Variants in ATRNL1 observed in about 807,000 individuals in gnomAD.
ATRNL1 encodes the protein attractin-like protein 1.
Under a neutral mutation model 182.7 loss-of-function variants are expected in ATRNL1, and 95 were observed. That is an observed-to-expected ratio of 0.52 (90% CI 0.44 to 0.62). The LOEUF is 0.62. Ranked by LOEUF, ATRNL1 falls within the 20% of genes least tolerant of loss-of-function variation. The pLI is 0.00. For synonymous variants in ATRNL1, 576 were observed against 568.3 expected, an observed-to-expected ratio of 1.01 and a Z score of -0.19; for missense variants, 1,471 against 1,679.5, an observed-to-expected ratio of 0.88 and a Z score of 2.17.
At chr10:115,506,789 T>C (rs1850135584) in intron 24 of ATRNL1, among the ~76,000 whole-genome samples, 1 of 152,070 alleles carries the variant, frequency 6.6e-6, no homozygotes, top group Non-Finnish European at 1.5e-5. Flanking sequence ...TTGCTTATGC[T>C]GATATCAAGC....
intron 26 of ATRNL1, among the ~76,000 whole-genome samples, chr10:115,622,881 C>T (rs1441172410): frequency 1.3e-5 from 2 of 151,748 alleles, no homozygotes; most frequent in Non-Finnish European, 2.9e-5. Context: ...GAGCCGAGAT[C>T]GCGCCACTCC....
At chr10:115,174,371 T>G (rs573056339) in intron 8 of ATRNL1, among the ~76,000 whole-genome samples, 2 of 151,956 alleles carry the variant, frequency 1.3e-5, no homozygotes, top group African/African-American at 4.8e-5. Flanking sequence ...GTTTTGACTT[T>G]TGAAATTTTA....
intron 25 of ATRNL1, among the ~76,000 whole-genome samples, chr10:115,535,639 C>T (rs1467977641): frequency 1.3e-5 from 2 of 152,274 alleles, no homozygotes; most frequent in South Asian, 2.1e-4. Context: ...AGCTTTGTTC[C>T]GTTGCTGGTG....
At chr10:115,284,909 A>G (rs1317547556) in intron 14 of ATRNL1, among the ~76,000 whole-genome samples, 2 of 152,172 alleles carry the variant, frequency 1.3e-5, no homozygotes, top group Non-Finnish European at 2.9e-5. Context: ...AACAGAAATA[A>G]TTGTGGAGAG....
At chr10:115,130,539 T>A (rs2143714771) in intron 5 of ATRNL1, among the ~76,000 whole-genome samples, 1 of 152,228 alleles carries the variant, frequency 6.6e-6, no homozygotes, top group South Asian at 2.1e-4. Flanking sequence ...AAATATTAGG[T>A]ATGTCAACTG....
intron 26 of ATRNL1, among the ~76,000 whole-genome samples, chr10:115,614,931 T>G (rs1053128842): frequency 1.3e-5 from 2 of 152,190 alleles, no homozygotes; most frequent in Non-Finnish European, 2.9e-5. Flanking sequence ...GAAGTGAGTT[T>G]CTTATAGCCA....
intron 19 of ATRNL1, among the ~76,000 whole-genome samples, chr10:115,346,797 A>G (rs143907408): frequency 2.0e-5 from 3 of 152,232 alleles, no homozygotes; most frequent in East Asian, 3.9e-4. Context: ...CATGAGATAT[A>G]TGATTTGTAT....
At chr10:115,181,748 C>T (rs190590752) in intron 8 of ATRNL1, among the ~76,000 whole-genome samples, 116 of 151,640 alleles carry the variant, frequency 7.6e-4, no homozygotes, top group African/African-American at 2.6e-3. Flanking sequence ...TGTATTATTG[C>T]GGTGCCCGAA....
chr10:115,280,325 C>T (rs1852302249), intron 13 of ATRNL1, among the ~76,000 whole-genome samples: 2 of 152,102 alleles, frequency 1.3e-5, no homozygotes, highest in Admixed American at 6.6e-5. Flanking sequence ...GTTACGTTGC[C>T]TGCAAAAGCT....
chr10:115,890,923 C>T (rs782810080), intron 28 of ATRNL1, among the ~76,000 whole-genome samples: 7 of 152,106 alleles, frequency 4.6e-5, no homozygotes, highest in Non-Finnish European at 1.0e-4. Context: ...GGCGGTCAGC[C>T]TGGTTTAATC....
At chr10:115,829,030 ATTTCACAATCACCCTTTT>A (rs1413625765) in intron 27 of ATRNL1, among the ~76,000 whole-genome samples, 4 of 151,306 alleles carry the variant, frequency 2.6e-5, no homozygotes, top group African/African-American at 9.9e-5. Context: ...GATGGGCATT[ATTTCACAATCACCCTTTT>A]TTTCAGTTTT....
At position 115,143,362 on chromosome 10, in the gene ATRNL1, G is replaced by A. The variant is rs1276355509; in HGVS notation, c.829+13827G>A. Among the ~76,000 whole-genome samples, 6 of 151,276 alleles carry A rather than the reference G, an allele frequency of 4.0e-5. No individual in the cohort carries two copies. In the South Asian group the frequency reaches 6.3e-4, roughly 16 times the overall value. On this transcript the variant is annotated intron_variant, in intron 5 of 28. Transcript: ENST00000355044. ...CTGCTCTCAATATAGCTAATTCTAC[G>A]TTTGTCATTTTCAGCTGATCAGAAC...
chr10:115,554,135 T>G (rs1386487729), intron 26 of ATRNL1, among the ~76,000 whole-genome samples: 1 of 151,588 alleles, frequency 6.6e-6, no homozygotes, highest in Non-Finnish European at 1.5e-5. Context: ...AAGCTTTCCA[T>G]TAAACACATG....
intron 26 of ATRNL1, among the ~76,000 whole-genome samples, chr10:115,698,613 A>ATTT (rs1946635699): frequency 6.6e-6 from 1 of 152,096 alleles, no homozygotes; most frequent in Admixed American, 6.6e-5. Context: ...CCCCGTCTCT[A>ATTT]CTAAAAATAC....
At chr10:115,203,961 A>G (rs533716106) in intron 8 of ATRNL1, among the ~76,000 whole-genome samples, 1 of 152,022 alleles carries the variant, frequency 6.6e-6, no homozygotes, top group South Asian at 2.1e-4. Flanking sequence ...ATTTAAAAAT[A>G]TAGACATAAT....
chr10:115,834,249 G>C (rs1361586462), intron 27 of ATRNL1, among the ~76,000 whole-genome samples: 2 of 152,168 alleles, frequency 1.3e-5, no homozygotes, highest in South Asian at 4.2e-4. Context: ...TACTTTCTGC[G>C]GCTCCAATAT....
intron 1 of ATRNL1, among the ~76,000 whole-genome samples, chr10:115,113,405 TTTTG>T (rs1486805537): frequency 1.2e-4 from 19 of 152,020 alleles, no homozygotes; most frequent in African/African-American, 3.1e-4. Context: ...TCCTTTTGAG[TTTTG>T]TTTGTTTGTT....
chr10:115,928,675 C>G (rs1404837372), intron 28 of ATRNL1, among the ~76,000 whole-genome samples: 1 of 151,900 alleles, frequency 6.6e-6, no homozygotes, highest in East Asian at 1.9e-4. Flanking sequence ...TTTGAATATT[C>G]TGATCAAAAC....
At chr10:115,889,538 A>G (rs2134459516) in intron 28 of ATRNL1, among the ~76,000 whole-genome samples, 1 of 152,282 alleles carries the variant, frequency 6.6e-6, no homozygotes, top group Middle Eastern at 3.4e-3. Context: ...TATATGTGAT[A>G]TTATTGAAAA....
Sources: allele counts gnomAD v4.1 joint callset (sites outside exome capture counted in the v4.1 genomes callset), GRCh38; gene constraint gnomAD v4.1.1; transcripts MANE v1.5; gene names NCBI Gene and HGNC (gene_info 2026-07-23, HGNC 2026-07-21).